The following TMCO5A variants were observed in gnomAD, a reference collection of about 807,000 sequenced individuals.
TMCO5A encodes the protein transmembrane and coiled-coil domain-containing protein 5A.
TMCO5A carries 34 observed loss-of-function variants against 42.3 expected under a neutral mutation model. That is an observed-to-expected ratio of 0.80 (90% CI 0.61 to 1.07). The LOEUF (loss-of-function observed/expected upper bound fraction) is 1.07, where lower values mean the gene tolerates loss of function less well. Ranked by LOEUF, TMCO5A falls within the 50% of genes least tolerant of loss-of-function variation. TMCO5A has a pLI of 0.00. For synonymous variants in TMCO5A, 131 were observed against 115.6 expected (o/e 1.13, Z -0.86); for missense variants, 357 against 327.9 (o/e 1.09, Z -0.69).
intron 6 of TMCO5A, among the ~76,000 whole-genome samples, chr15:37,939,133 C>G (rs1180889838): frequency 6.6e-6 from 1 of 152,088 alleles, no homozygotes; most frequent in African/African-American, 2.4e-5. Flanking sequence ...GACACCTTCT[C>G]TAGAATTACA....
At chr15:37,957,230 G>T (rs1890312918) in intron 11 of TMCO5A, among the ~76,000 whole-genome samples, 1 of 152,146 alleles carries the variant, frequency 6.6e-6, no homozygotes, top group African/African-American at 2.4e-5. Context: ...AGTATTGGAA[G>T]TTCTGGCCAG....
chr15:38,008,808 A>C, the TMCO5A span, among the ~76,000 whole-genome samples: 1 of 152,204 alleles, frequency 6.6e-6, no homozygotes, highest in Non-Finnish European at 1.5e-5. Flanking sequence ...ACGCATGACC[A>C]TCTGCCATCC....
chr15:38,017,131 A>G, the TMCO5A span, among the ~76,000 whole-genome samples: 4 of 152,214 alleles, frequency 2.6e-5, no homozygotes, highest in African/African-American at 7.2e-5. Flanking sequence ...AAAAATACTA[A>G]TAAATATACA....
chr15:38,007,872 C>CTTTTT, the TMCO5A span, among the ~76,000 whole-genome samples: 146 of 47,402 alleles, frequency 3.1e-3, 44 homozygotes, highest in East Asian at 8.9e-3. Context: ...CTCACCCACA[C>CTTTTT]TTTTTTTTTT....
chr15:38,006,971 A>T, the TMCO5A span, among the ~76,000 whole-genome samples: 6 of 150,614 alleles, frequency 4.0e-5, no homozygotes, highest in South Asian at 1.0e-3. Flanking sequence ...ACAATGGATT[A>T]AAAAAAAATG....
downstream of TMCO5A, among the ~76,000 whole-genome samples, chr15:37,968,876 C>T (rs555174451): frequency 6.6e-5 from 10 of 152,210 alleles, no homozygotes; most frequent in Non-Finnish European, 1.2e-4. Context: ...CCACCGCACC[C>T]GGCCTACTTC....
chr15:37,945,148 T>G (rs1889898740), intron 10 of TMCO5A, among the ~76,000 whole-genome samples: 1 of 152,124 alleles, frequency 6.6e-6, no homozygotes, highest in Non-Finnish European at 1.5e-5. Flanking sequence ...GTTCTTGGGT[T>G]AGTTGGCTGA....
chr15:37,996,568 A>C, the TMCO5A span, among the ~76,000 whole-genome samples: 2 of 152,232 alleles, frequency 1.3e-5, no homozygotes, highest in Non-Finnish European at 2.9e-5. Context: ...CATGCTAAAT[A>C]GTGCTTAGGT....
chr15:37,991,446 C>T, the TMCO5A span, among the ~76,000 whole-genome samples: 1 of 151,982 alleles, frequency 6.6e-6, no homozygotes, highest in Non-Finnish European at 1.5e-5. Context: ...CTTTGAGTTC[C>T]TACTAGGAAT....
rs147910348 is a variant in TMCO5A, at chr15:37,944,757, T to C, written c.627+1359T>C. On this transcript the variant is annotated intron_variant, in intron 10 of 11. Transcript: ENST00000319669. ...GCTGGCTCTAAAATGTGATCATAAT[T>C]CCTCTTTTTATCTCACAAGGAAGGT... Among the ~76,000 whole-genome samples the C allele has an allele frequency of 6.2e-3, 941 of 152,090 alleles. 9 individuals carry two copies. The highest frequency in any genetic ancestry group is 0.021 in the African/African-American group (890 of 41,502).
chr15:37,957,955 T>C lies in TMCO5A; in HGVS notation c.669-8670T>C, dbSNP rs190601219. ...AATGCCACACATCTACAACAATTGA[T>C]CTTTGACAAACCTGACAAAAACAAG... On this transcript the variant is annotated intron_variant, in intron 11 of 11. Transcript: ENST00000559502. 2.4e-3 allele frequency among the ~76,000 whole-genome samples: 366 copies of C among 152,232 alleles called. 2 individuals are homozygous for C. Among genetic ancestry groups the C allele is most frequent in the Non-Finnish European group, 3.5e-3 (236 of 68,016 alleles).
intron 2 of TMCO5A, 54 bp from the exon 3 acceptor site, chr15:37,936,260 A>T: frequency 6.4e-7 from 1 of 1,560,318 alleles, no homozygotes; most frequent in Non-Finnish European, 8.6e-7. Context: ...TGGCCTGATG[A>T]TTATTGATCT....
intron 11 of TMCO5A, among the ~76,000 whole-genome samples, chr15:37,964,448 T>G (rs1308136428): frequency 6.6e-6 from 1 of 151,890 alleles, no homozygotes; most frequent in Non-Finnish European, 1.5e-5. Flanking sequence ...GATCTGTAGG[T>G]CCTCTCAGAA....
the TMCO5A span, among the ~76,000 whole-genome samples, chr15:37,995,362 G>T: frequency 6.6e-6 from 1 of 152,180 alleles, no homozygotes; most frequent in Non-Finnish European, 1.5e-5. Flanking sequence ...AAAATAATCA[G>T]AGAAACCCCA....
the TMCO5A span, among the ~76,000 whole-genome samples, chr15:37,989,895 A>C: frequency 6.6e-6 from 1 of 152,104 alleles, no homozygotes; most frequent in African/African-American, 2.4e-5. Flanking sequence ...GCATTAATCC[A>C]TTCATGAGGA....
chr15:37,991,056 T>C, the TMCO5A span, among the ~76,000 whole-genome samples: 667 of 152,260 alleles, frequency 4.4e-3, 9 homozygotes, highest in African/African-American at 0.015. Context: ...GTTTCCATAA[T>C]ACTAGCTTTT....
the TMCO5A span, among the ~76,000 whole-genome samples, chr15:38,035,515 A>G: frequency 6.6e-6 from 1 of 152,180 alleles, no homozygotes; most frequent in Admixed American, 6.5e-5. Flanking sequence ...AGGTGATTCT[A>G]GGGAGCAGAA....
downstream of TMCO5A, among the ~76,000 whole-genome samples, chr15:37,968,774 G>T (rs565527039): frequency 2.6e-5 from 4 of 151,886 alleles, no homozygotes; most frequent in Admixed American, 6.6e-5. Context: ...GTAGAGACGG[G>T]GTTTCACCAC....
chr15:37,955,560 A>G (rs1269924744), downstream of TMCO5A, among the ~76,000 whole-genome samples: 1 of 152,208 alleles, frequency 6.6e-6, no homozygotes, highest in African/African-American at 2.4e-5. Flanking sequence ...CTAAATATAT[A>G]TGCACCCAAT....
Sources: gnomAD v4.1 joint callset for allele counts (sites outside exome capture counted in the v4.1 genomes callset) on GRCh38, gnomAD v4.1.1 for gene constraint, MANE v1.5 for transcripts, NCBI Gene and HGNC (gene_info 2026-07-23, HGNC 2026-07-21) for gene names.